Variants in P4HA2 observed in about 807,000 individuals in gnomAD.
P4HA2 encodes the protein prolyl 4-hydroxylase subunit alpha-2.
P4HA2 carries 46 observed loss-of-function variants against 76.9 expected under a neutral mutation model. The observed-to-expected ratio is 0.60, with a 90% CI of 0.47 to 0.76. P4HA2 has a LOEUF of 0.76. P4HA2 is among the 30% of genes least tolerant of loss of function. The pLI, the probability that P4HA2 is intolerant of heterozygous loss-of-function variation, is 0.00. For synonymous variants in P4HA2, 243 were observed against 254.0 expected (o/e 0.96, Z 0.41); for missense variants, 583 against 669.4 (o/e 0.87, Z 1.42).
chr5:132,197,065 C>T (rs1403040368), intron 12 of P4HA2, among the ~76,000 whole-genome samples: 1 of 152,160 alleles, frequency 6.6e-6, no homozygotes, highest in East Asian at 1.9e-4. Flanking sequence ...TACTTTACTG[C>T]CTCTATGCCT....
Position 132,218,564 on chromosome 5 carries a change from G to A in P4HA2, c.63C>T (p.Ala21=), listed in dbSNP as rs202229926. The A allele has an allele frequency of 2.7e-4, 430 of 1,613,136 alleles. 1 individual carries two copies. The highest frequency in any genetic ancestry group is 4.0e-4 in the Admixed American group (24 of 59,990). Residue 21 remains alanine (A), a synonymous_variant, in exon 2 of 15, where the codon GCC becomes GCT. Coordinates refer to ENST00000360568, the MANE Select transcript of P4HA2 (RefSeq NM_001017974.2). ...AWFGVLSCVQ[A]EFFTSIGHMT... Reference sequence around the variant, plus strand: ...ACGTACCAATAGAGGTGAAGAATTCGGCCTGCACACAGCTCAGGACACCAA... The same window carrying A: ...ACGTACCAATAGAGGTGAAGAATTCAGCCTGCACACAGCTCAGGACACCAA...
chr5:132,207,986 G>C (rs975545516), intron 7 of P4HA2, 102 bp from the exon 8 acceptor site: 1 of 859,668 alleles, frequency 1.2e-6, no homozygotes, highest in Non-Finnish European at 1.8e-6. Context: ...GCCAGCAGCT[G>C]CTCCCTCCCA....
In P4HA2 at chr5:132,195,145, A is replaced by G; in HGVS notation, c.1435-123T>C. On this transcript the variant is annotated intron_variant, in intron 13 of 14. Coordinates refer to ENST00000360568, the MANE Select transcript of P4HA2 (RefSeq NM_001017974.2). The stretch of plus-strand genomic sequence containing the variant: ...CCTCATTTTCCCATGGACAGGGGAT[A>G]GGGCTCTGGGACTCCAGCAACAGAG... The G allele has an allele frequency of 4.2e-6, 3 of 710,080 alleles. No individual in the cohort carries two copies. The South Asian group carries it at 4.9e-5, about 12-fold the overall frequency. 44.0% of individuals were successfully genotyped at this position (710,080 alleles called of 1,614,324 possible). A position where few individuals can be genotyped will look rare whatever the true frequency, so the allele number is the denominator to read the frequency against.
chr5:132,223,913 T>C (rs1473001661), intron 1 of P4HA2, among the ~76,000 whole-genome samples: 1 of 152,228 alleles, frequency 6.6e-6, no homozygotes, highest in African/African-American at 2.4e-5. Flanking sequence ...CTCAATAATC[T>C]GTTACCTTAA....
In P4HA2 at chr5:132,214,071, G is replaced by C. The variant is rs768921774; in HGVS notation, c.332-18C>G. ...GATAAAACCTTCCAAATGAGAGTCA[G>C]AACAAGAGATTACCCTTGATCCAGG... On this transcript the variant is annotated intron_variant, in intron 4 of 14. Transcript: ENST00000360568. The C allele has an allele frequency of 3.7e-6, 6 of 1,612,850 alleles. No homozygotes were observed. Among genetic ancestry groups the C allele is most frequent in the African/African-American group, 1.3e-5 (1 of 75,022 alleles).
Position 132,214,541 on chromosome 5 carries a change from A to G in P4HA2, c.332-488T>C, listed in dbSNP as rs80145395. Among the ~76,000 whole-genome samples, 1,227 of 152,330 alleles carry G rather than the reference A, an allele frequency of 8.1e-3. 14 individuals are homozygous for G. The highest frequency in any genetic ancestry group is 0.028 in the African/African-American group (1,153 of 41,574). On this transcript the variant is annotated intron_variant, in intron 4 of 14. Coordinates refer to ENST00000360568, the MANE Select transcript of P4HA2 (RefSeq NM_001017974.2). The stretch of plus-strand genomic sequence containing the variant: ...GCACACATTTCAAGTTGAGGAGTCC[A>G]AGGGACAATGACAGTTAACTAATGA...
At chr5:132,214,733 A>T (rs1431047008) in intron 4 of P4HA2, among the ~76,000 whole-genome samples, 1 of 151,814 alleles carries the variant, frequency 6.6e-6, no homozygotes, top group Non-Finnish European at 1.5e-5. Flanking sequence ...TCCGTCCCCT[A>T]AGAGACCACG....
chr5:132,206,391 C>T (rs1361603704), intron 8 of P4HA2, among the ~76,000 whole-genome samples: 1 of 152,150 alleles, frequency 6.6e-6, no homozygotes, highest in Non-Finnish European at 1.5e-5. Flanking sequence ...CCCTAGATGT[C>T]CTAGTACCTC....
intron 10 of P4HA2, chr5:132,202,836 A>T (rs1043896691): frequency 1.3e-5 from 2 of 152,248 alleles, no homozygotes; most frequent in Non-Finnish European, 2.9e-5. Flanking sequence ...CAGCTTAACC[A>T]GTCCAGGCCT....
chr5:132,211,070 T>A (rs760457715), intron 5 of P4HA2, among the ~76,000 whole-genome samples: 2 of 151,934 alleles, frequency 1.3e-5, no homozygotes, highest in Non-Finnish European at 2.9e-5. Context: ...GAACTAAAGA[T>A]AGGAGAAACA....
chr5:132,199,258 G>A (rs751199175), intron 10 of P4HA2, among the ~76,000 whole-genome samples: 1 of 152,200 alleles, frequency 6.6e-6, no homozygotes, highest in Non-Finnish European at 1.5e-5. Context: ...TGCTTGAGGC[G>A]GGCCCTGGCC....
In P4HA2 at chr5:132,214,725, C is replaced by T. The variant is rs139466126; in HGVS notation, c.332-672G>A. On this transcript the variant is annotated intron_variant, in intron 4 of 14. Coordinates refer to ENST00000360568, the MANE Select transcript of P4HA2 (RefSeq NM_001017974.2). ...GGGGTTGCACCAACCCAGCAAGGTC[C>T]GTCCCCTAAGAGACCACGGTGGGCC... Among the ~76,000 whole-genome samples, 40 of 152,104 alleles carry T rather than the reference C, an allele frequency of 2.6e-4. 1 individual carries two copies. Among genetic ancestry groups the T allele is most frequent in the Admixed American group, 2.5e-3 (38 of 15,296 alleles).
intron 4 of P4HA2, among the ~76,000 whole-genome samples, chr5:132,214,508 G>A (rs1753580970): frequency 6.6e-6 from 1 of 152,128 alleles, no homozygotes; most frequent in African/African-American, 2.4e-5. Context: ...GGTAAACACA[G>A]ACTTCCAGCA....
At chr5:132,213,746 G>A (rs1324122838) in intron 5 of P4HA2, among the ~76,000 whole-genome samples, 170 bp downstream of exon 5, 1 of 152,170 alleles carries the variant, frequency 6.6e-6, no homozygotes, top group African/African-American at 2.4e-5. Context: ...CAGGGCAGGG[G>A]CTGAGGGAGA....
chr5:132,218,687 A>G (rs1448477995), intron 1 of P4HA2, 43 bp from the exon 2 acceptor site: 2 of 1,254,620 alleles, frequency 1.6e-6, no homozygotes, highest in Non-Finnish European at 2.3e-6. Context: ...ACAAAGTGAA[A>G]AAGACTAATT....
chr5:132,208,921 G>C (rs1295102081), intron 7 of P4HA2, among the ~76,000 whole-genome samples: 1 of 152,074 alleles, frequency 6.6e-6, no homozygotes, highest in Admixed American at 6.5e-5. Context: ...TGGTAACTTA[G>C]AGGAGCAACA....
chr5:132,210,580 G>A, intron 5 of P4HA2, 57 bp from the exon 6 acceptor site: 1 of 1,597,244 alleles, frequency 6.3e-7, no homozygotes, highest in Non-Finnish European at 8.6e-7. Flanking sequence ...TAGGGAAAGA[G>A]ATTCCCACTT....
intron 12 of P4HA2, 142 bp from the exon 13 acceptor site, chr5:132,195,622 T>A: frequency 1.5e-6 from 1 of 679,236 alleles, no homozygotes; most frequent in Non-Finnish European, 2.7e-6. Flanking sequence ...TGGCCAGCCC[T>A]TTAGCCAAGA....
rs984249435 is a variant in P4HA2, at chr5:132,201,744, A to G, written c.1251+2004T>C. On this transcript the variant is annotated intron_variant, in intron 10 of 14. Transcript: ENST00000360568. ...GAGCTACAACACAATGAGAGGCCAGACAAGATAAAGGCTGAATTGTAGCAG... is the reference window on the plus strand; with the variant it reads ...GAGCTACAACACAATGAGAGGCCAGGCAAGATAAAGGCTGAATTGTAGCAG... 5.3e-5 allele frequency: 8 copies of G among 152,372 alleles called. No individual in the cohort carries two copies. In the East Asian group the frequency reaches 1.3e-3, roughly 26 times the overall value. The allele number at this position is 152,372 out of a possible 1,614,324, so 9.4% of individuals were successfully genotyped here.
Sources: allele counts gnomAD v4.1 joint callset (sites outside exome capture counted in the v4.1 genomes callset), GRCh38; gene constraint gnomAD v4.1.1; transcripts MANE v1.5; gene names NCBI Gene and HGNC (gene_info 2026-07-23, HGNC 2026-07-21).